ID1: variants seen among roughly 807,000 people sequenced by gnomAD.
ID1 encodes the protein DNA-binding protein inhibitor ID-1.
In ID1, 8 loss-of-function variants were observed where a neutral mutation model predicts 11.3. The ratio of observed to expected loss-of-function variants is 0.71; its 90% CI spans 0.42 to 1.28. ID1 has a LOEUF of 1.28. Ranked by LOEUF, ID1 falls within the 50% of genes most tolerant of loss-of-function variation. ID1 has a pLI of 0.01. For synonymous variants in ID1, 176 were observed against 100.2 expected, an observed-to-expected ratio of 1.76 and a Z score of -4.52; for missense variants, 347 against 219.8, an observed-to-expected ratio of 1.58 and a Z score of -3.66.
Position 31,605,703 on chromosome 20 carries a change from C to A in ID1, c.316C>A (p.Gln106Lys). The change falls in exon 1 of 2, where the codon CAG becomes AAG. Residue 106 changes from glutamine to lysine, a missense_variant. Gln to Lys is a moderately conservative substitution (Grantham distance 53). Coordinates refer to ENST00000376112, the MANE Select transcript of ID1 (RefSeq NM_002165.4). The part of the protein sequence containing the change: ...QHVIDYIRDL[Q>K]LELNSESEVG... ...CGTCATCGACTACATCAGGGACCTTCAGTTGGAGCTGAACTCGGAATCCGA... is the reference window on the plus strand; with the variant it reads ...CGTCATCGACTACATCAGGGACCTTAAGTTGGAGCTGAACTCGGAATCCGA... 6.2e-7 allele frequency: 1 copy of A among 1,611,816 alleles called. No homozygotes were observed. Among genetic ancestry groups the A allele is most frequent in the Non-Finnish European group, 8.5e-7 (1 of 1,178,950 alleles).
intron 1 of ID1, 28 bp downstream of exon 1, chr20:31,605,841 A>G (rs1284544207): frequency 6.3e-7 from 1 of 1,599,888 alleles, no homozygotes; most frequent in Non-Finnish European, 8.5e-7. Context: ...CCACTAGATC[A>G]TCCTTATACC....
chr20:31,605,899 C>G lies in ID1; in HGVS notation c.426+86C>G. The stretch of plus-strand genomic sequence containing the variant: ...AGGGCGTGGGCGCTTGCACCACTTC[C>G]GTCCCATCCTTGCGGGTACCTGGCT... On this transcript the variant is annotated intron_variant, in intron 1 of 1. Coordinates refer to ENST00000376112, the MANE Select transcript of ID1 (RefSeq NM_002165.4). 4 of 1,583,740 alleles carry G rather than the reference C, an allele frequency of 2.5e-6. No homozygotes were observed. The East Asian group carries it at 6.9e-5, about 27-fold the overall frequency.
Position 31,605,410 on chromosome 20 carries a change from C to T in ID1, c.23C>T (p.Thr8Ile), listed in dbSNP as rs746413130. Reference protein sequence around the residue: MKVASGSTATAAAGPSCA... With the variant: MKVASGSIATAAAGPSCA... ...ATCATGAAAGTCGCCAGTGGCAGCA[C>T]CGCCACCGCCGCCGCGGGCCCCAGC... The change falls in exon 1 of 2, where the codon ACC (threonine) becomes ATC (isoleucine). Residue 8 changes from threonine to isoleucine, a missense_variant. By Grantham distance (89) the Thr-to-Ile change is moderately conservative. Coordinates refer to ENST00000376112, the MANE Select transcript of ID1 (RefSeq NM_002165.4). 1.1e-5 allele frequency: 18 copies of T among 1,600,212 alleles called. No homozygotes were observed. Among genetic ancestry groups the T allele is most frequent in the Non-Finnish European group, 1.5e-5 (18 of 1,177,778 alleles).
chr20:31,606,028 G>A (rs749922542), intron 1 of ID1, 25 bp from the exon 2 acceptor site: 1 of 1,612,986 alleles, frequency 6.2e-7, no homozygotes, highest in Non-Finnish European at 8.5e-7. Context: ...CAACCCGCCG[G>A]TCTCATTTCT....
rs759529518 is a variant in ID1, at chr20:31,605,545, T to C, written c.158T>C (p.Leu53Pro). The C allele has an allele frequency of 1.9e-6, 3 of 1,558,030 alleles. No individual in the cohort carries two copies. The highest frequency in any genetic ancestry group is 3.9e-5 in the Admixed American group (2 of 51,680). ...TGCGCCGGGGGCGCCGGGGCGCGCC[T>C]GCCTGCCCTGCTGGACGAGCAGCAG... The part of the protein sequence containing the change: ...SRCAGGAGAR[L>P]PALLDEQQVN... Residue 53 changes from leucine to proline, a missense_variant, in exon 1 of 2, where the codon CTG becomes CCG. Transcript: ENST00000376112.
At position 31,605,727 on chromosome 20, in the gene ID1, G is replaced by A. The variant is rs764445065; in HGVS notation, c.340G>A (p.Glu114Lys). Residue 114 changes from glutamate to lysine, a missense_variant, in exon 1 of 2, where the codon GAA becomes AAA. Glu to Lys is a moderately conservative substitution (Grantham distance 56). Coordinates refer to ENST00000376112, the MANE Select transcript of ID1 (RefSeq NM_002165.4). ...TCAGTTGGAGCTGAACTCGGAATCC[G>A]AAGTTGGAACCCCCGGGGGCCGAGG... ...DLQLELNSES[E>K]VGTPGGRGLP... 3.7e-6 allele frequency: 6 copies of A among 1,611,226 alleles called. No individual in the cohort carries two copies. Among genetic ancestry groups the A allele is most frequent in the South Asian group, 2.2e-5 (2 of 90,684 alleles).
rs1274919442 is a variant in ID1 at position 31,605,687 on chromosome 20, C to G, written c.300C>G (p.Asp100Glu). The part of the protein sequence containing the change: ...SKVEILQHVI[D>E]YIRDLQLELN... ...TGGAGATTCTCCAGCACGTCATCGA[C>G]TACATCAGGGACCTTCAGTTGGAGC... Residue 100 changes from aspartate (D) to glutamate (E), a missense_variant, in exon 1 of 2, where the codon GAC becomes GAG. By Grantham distance (45) the Asp-to-Glu change is conservative. Transcript: ENST00000376112. 2.5e-6 allele frequency: 4 copies of G among 1,611,596 alleles called. No homozygotes were observed. In the South Asian group the frequency reaches 4.4e-5, roughly 18 times the overall value.
At position 31,605,492 on chromosome 20, in the gene ID1, G is replaced by C. The variant is rs1000215198; in HGVS notation, c.105G>C (p.Leu35=). The change falls in exon 1 of 2, where the codon CTG becomes CTC. Residue 35 remains leucine (L), a synonymous_variant. Coordinates refer to ENST00000376112, the MANE Select transcript of ID1 (RefSeq NM_002165.4). ...ASGAGEVVRC[L]SEQSVAISRC... is the part of the protein sequence containing the mutation. ...GTGCGGGCGAGGTGGTGCGCTGTCT[G>C]TCTGAGCAGAGCGTGGCCATCTCGC... is the stretch of plus-strand genomic sequence containing the variant. 1 of 1,604,324 alleles carries C rather than the reference G, an allele frequency of 6.2e-7. No homozygotes were observed. Among genetic ancestry groups the C allele is most frequent in the South Asian group, 1.1e-5 (1 of 90,332 alleles).
In ID1 at chr20:31,605,678, C is replaced by A; in HGVS notation, c.291C>A (p.His97Gln). The A allele has an allele frequency of 6.2e-7, 1 of 1,610,850 alleles. No homozygotes were observed. The highest frequency in any genetic ancestry group is 8.5e-7 in the Non-Finnish European group (1 of 1,178,524). ...RKVSKVEILQ[H>Q]VIDYIRDLQL... ...TGAGCAAGGTGGAGATTCTCCAGCA[C>A]GTCATCGACTACATCAGGGACCTTC... is the stretch of plus-strand genomic sequence containing the variant. Residue 97 changes from histidine to glutamine, a missense_variant, in exon 1 of 2, where the codon CAC becomes CAA. Transcript: ENST00000376112.
chr20:31,605,898 C>T, intron 1 of ID1, 85 bp downstream of exon 1: 3 of 1,583,428 alleles, frequency 1.9e-6, no homozygotes, highest in Non-Finnish European at 2.6e-6. Flanking sequence ...TGCACCACTT[C>T]CGTCCCATCC....
In ID1 at chr20:31,605,381, A is replaced by G. The variant is rs1986047795; in HGVS notation, c.-7A>G. On this transcript the variant is annotated 5_prime_UTR_variant, in exon 1 of 2. Transcript: ENST00000376112. The stretch of plus-strand genomic sequence containing the variant: ...GCCCATTCTGTTTCAGCCAGTCGCC[A>G]AGAATCATGAAAGTCGCCAGTGGCA... 1 of 1,596,644 alleles carries G rather than the reference A, an allele frequency of 6.3e-7. No homozygotes were observed. The highest frequency in any genetic ancestry group is 8.5e-7 in the Non-Finnish European group (1 of 1,176,934).
chr20:31,606,332 C>T lies in ID1; in HGVS notation c.*238C>T, dbSNP rs1986111436. 5.4e-6 allele frequency: 3 copies of T among 559,660 alleles called. No homozygotes were observed. The highest frequency in any genetic ancestry group is 3.0e-5 in the East Asian group (1 of 33,706). The allele number at this position is 559,660 out of a possible 1,614,324, so 34.7% of individuals were successfully genotyped here. The stretch of plus-strand genomic sequence containing the variant: ...AGACTTTAGGGGGTGGGATTCCACT[C>T]GTGTGTTTCTATTTTTTGAAAAGCA... On this transcript the variant is annotated 3_prime_UTR_variant, in exon 2 of 2. Coordinates refer to ENST00000376112, the MANE Select transcript of ID1 (RefSeq NM_002165.4).
chr20:31,605,856 G>A lies in ID1; in HGVS notation c.426+43G>A, dbSNP rs200436740. Reference sequence around the variant, plus strand: ...CCACTAGATCATCCTTATACCGACGGGGAAACGGAGGCCAGAGAGGGCGTG... The same window carrying A: ...CCACTAGATCATCCTTATACCGACGAGGAAACGGAGGCCAGAGAGGGCGTG... On this transcript the variant is annotated intron_variant, in intron 1 of 1. Coordinates refer to ENST00000376112, the MANE Select transcript of ID1 (RefSeq NM_002165.4). 5.7e-3 allele frequency: 9,125 copies of A among 1,597,638 alleles called. 29 individuals carry two copies. Among genetic ancestry groups the A allele is most frequent in the Non-Finnish European group, 6.8e-3 (7,903 of 1,169,804 alleles).
At position 31,605,579 on chromosome 20, in the gene ID1, G is replaced by T. The variant is rs1280270646; in HGVS notation, c.192G>T (p.Val64=). The change falls in exon 1 of 2, where the codon GTG becomes GTT. Residue 64 remains valine, a synonymous_variant. Coordinates refer to ENST00000376112, the MANE Select transcript of ID1 (RefSeq NM_002165.4). ...TGCTGGACGAGCAGCAGGTAAACGT[G>T]CTGCTCTACGACATGAACGGCTGTT... ...PALLDEQQVN[V]LLYDMNGCYS... The T allele has an allele frequency of 2.6e-6, 4 of 1,562,546 alleles. No individual in the cohort carries two copies. Among genetic ancestry groups the T allele is most frequent in the African/African-American group, 1.4e-5 (1 of 73,564 alleles).
At chr20:31,605,971 C>T (rs1229600775) in intron 1 of ID1, 82 bp from the exon 2 acceptor site, 41 of 1,608,908 alleles carry the variant, frequency 2.5e-5, no homozygotes, top group Admixed American at 6.7e-5. Context: ...CCCCGTCGTG[C>T]TTCCTGGGGA....
At position 31,606,182 on chromosome 20, in the gene ID1, C is replaced by A; in HGVS notation, c.*88C>A. 1 of 1,382,746 alleles carries A rather than the reference C, an allele frequency of 7.2e-7. No homozygotes were observed. The highest frequency in any genetic ancestry group is 1.0e-6 in the Non-Finnish European group (1 of 981,394). 85.7% of individuals were successfully genotyped at this position (1,382,746 alleles called of 1,614,324 possible). On this transcript the variant is annotated 3_prime_UTR_variant, in exon 2 of 2. Transcript: ENST00000376112. ...TGTGGGTCTCCCCCAACGCGCCTCGCCGGATCTGAGGGAGAACAAGACCGA... is the reference window on the plus strand; with the variant it reads ...TGTGGGTCTCCCCCAACGCGCCTCGACGGATCTGAGGGAGAACAAGACCGA...
rs1314860286 is a variant in ID1, at chr20:31,606,309, A to G, written c.*215A>G. On this transcript the variant is annotated 3_prime_UTR_variant, in exon 2 of 2. Coordinates refer to ENST00000376112, the MANE Select transcript of ID1 (RefSeq NM_002165.4). ...TCTGCACACCTACTAGTCACCAGAG[A>G]CTTTAGGGGGTGGGATTCCACTCGT... 2 of 587,280 alleles carry G rather than the reference A, an allele frequency of 3.4e-6. No homozygotes were observed. The highest frequency in any genetic ancestry group is 3.1e-6 in the Non-Finnish European group (1 of 322,460). The allele number at this position is 587,280 out of a possible 1,614,324, so 36.4% of individuals were successfully genotyped here. A position where few individuals can be genotyped will look rare whatever the true frequency, so the allele number is the denominator to read the frequency against.
chr20:31,605,986 G>T, intron 1 of ID1, 67 bp from the exon 2 acceptor site: 3 of 1,611,314 alleles, frequency 1.9e-6, no homozygotes, highest in Non-Finnish European at 2.5e-6. Context: ...TGGGGAAGGG[G>T]GCGTTCGCTG....
rs745389339 is a variant in ID1, at chr20:31,605,350, C to A, written c.-38C>A. 1 of 1,556,432 alleles carries A rather than the reference C, an allele frequency of 6.4e-7. No homozygotes were observed. Among genetic ancestry groups the A allele is most frequent in the Non-Finnish European group, 8.6e-7 (1 of 1,156,108 alleles). On this transcript the variant is annotated 5_prime_UTR_variant, in exon 1 of 2. Transcript: ENST00000376112. ...CTTCGGGCTTCCACCTCATTTTTTTCGCTTTGCCCATTCTGTTTCAGCCAG... is the reference window on the plus strand; with the variant it reads ...CTTCGGGCTTCCACCTCATTTTTTTAGCTTTGCCCATTCTGTTTCAGCCAG...
Sources: allele counts gnomAD v4.1 joint callset, GRCh38; gene constraint gnomAD v4.1.1; transcripts MANE v1.5; gene names NCBI Gene and HGNC (gene_info 2026-07-23, HGNC 2026-07-21).